The following IL1R1 variants were observed in gnomAD, a reference collection of about 807,000 sequenced individuals.
The protein encoded by IL1R1 is interleukin 1 receptor type 1.
A neutral mutation model predicts 50.2 loss-of-function variants in IL1R1; 22 were observed. The ratio of observed to expected loss-of-function variants is 0.44; its 90% CI spans 0.31 to 0.63. The LOEUF (loss-of-function observed/expected upper bound fraction) is 0.63, where lower values mean the gene tolerates loss of function less well. Among genes scored for constraint, IL1R1 ranks in the 20% least tolerant of loss-of-function variants. IL1R1 has a pLI of 0.07. For synonymous variants in IL1R1, 251 were observed against 236.7 expected, an observed-to-expected ratio of 1.06 and a Z score of -0.55; for missense variants, 509 against 676.2, an observed-to-expected ratio of 0.75 and a Z score of 2.74.
intron 1 of IL1R1, among the ~76,000 whole-genome samples, chr2:102,070,729 T>C (rs1678678506): frequency 6.6e-6 from 1 of 152,136 alleles, no homozygotes; most frequent in African/African-American, 2.4e-5. Flanking sequence ...CCCTTTACTC[T>C]GAGGACATTG....
chr2:102,152,566 C>T (rs1683778673), intron 1 of IL1R1, among the ~76,000 whole-genome samples: 1 of 135,800 alleles, frequency 7.4e-6, no homozygotes. Flanking sequence ...GTCACCTTCT[C>T]TGCAAGAAGC....
chr2:102,139,211 T>A (rs1268601274), upstream of IL1R1, among the ~76,000 whole-genome samples: 1 of 152,200 alleles, frequency 6.6e-6, no homozygotes, highest in African/African-American at 2.4e-5. Context: ...TCAGACTAGG[T>A]CCAAGGGCTC....
At chr2:102,139,069 G>A (rs186080950), upstream of IL1R1, among the ~76,000 whole-genome samples, 8 of 152,272 alleles carry the variant, frequency 5.3e-5, no homozygotes, top group African/African-American at 1.4e-4. Flanking sequence ...AAGGATCAAT[G>A]GAGTTCTTTG....
chr2:102,122,639 A>C (rs1052767889), intron 1 of IL1R1, among the ~76,000 whole-genome samples: 24 of 152,230 alleles, frequency 1.6e-4, no homozygotes, highest in African/African-American at 5.8e-4. Flanking sequence ...GTGAAACCCA[A>C]GAGCAAGGAC....
At chr2:102,087,236 T>C (rs1431423769) in intron 1 of IL1R1, among the ~76,000 whole-genome samples, 1 of 152,220 alleles carries the variant, frequency 6.6e-6, no homozygotes, top group Admixed American at 6.5e-5. Context: ...CTACCCTTGA[T>C]GTTGATGGCT....
chr2:102,092,242 C>A (rs1362338937), intron 1 of IL1R1, among the ~76,000 whole-genome samples: 1 of 152,010 alleles, frequency 6.6e-6, no homozygotes, highest in Non-Finnish European at 1.5e-5. Context: ...AGCTTGCAGC[C>A]AAAATTGGTA....
intron 1 of IL1R1, among the ~76,000 whole-genome samples, chr2:102,132,206 G>A (rs1325774857): frequency 6.6e-6 from 1 of 151,260 alleles, no homozygotes; most frequent in Admixed American, 6.6e-5. Context: ...CAGACAGAAG[G>A]AAAAGGATAC....
chr2:102,154,576 G>A (rs1683994965), intron 2 of IL1R1, among the ~76,000 whole-genome samples: 1 of 151,996 alleles, frequency 6.6e-6, no homozygotes, highest in Admixed American at 6.6e-5. Context: ...GGCCCCAAGT[G>A]TTCTCAAATA....
intron 1 of IL1R1, among the ~76,000 whole-genome samples, chr2:102,108,429 G>C (rs1680548310): frequency 6.6e-6 from 1 of 152,060 alleles, no homozygotes. Context: ...TCATCCATGG[G>C]CTTTGCTCAG....
In IL1R1 at chr2:102,177,033, A is replaced by C. The variant is rs1686202457; in HGVS notation, c.*274A>C. 1 of 357,828 alleles carries C rather than the reference A, an allele frequency of 2.8e-6. No individual in the cohort carries two copies. Among genetic ancestry groups the C allele is most frequent in the Non-Finnish European group, 5.2e-6 (1 of 194,102 alleles). The allele number at this position is 357,828 out of a possible 1,614,324, so 22.2% of individuals were successfully genotyped here. On this transcript the variant is annotated 3_prime_UTR_variant, in exon 12 of 12. Transcript: ENST00000410023. ...ATAATCCCAGCACTTTGGGAGGCTG[A>C]AGTGGGTGGATCACCAGAGGTCAGG...
chr2:102,130,632 GT>G (rs1032972405), intron 1 of IL1R1, among the ~76,000 whole-genome samples: 11 of 138,744 alleles, frequency 7.9e-5, no homozygotes, highest in African/African-American at 2.9e-4. Flanking sequence ...CAAAGTCTTG[GT>G]TTTGACTAAA....
At chr2:102,163,946 T>C (rs1684946906) in intron 3 of IL1R1, among the ~76,000 whole-genome samples, 1 of 152,216 alleles carries the variant, frequency 6.6e-6, no homozygotes, top group African/African-American at 2.4e-5. Flanking sequence ...GGCCTAATTT[T>C]CCCTAATGAC....
intron 1 of IL1R1, among the ~76,000 whole-genome samples, chr2:102,105,646 G>A (rs1219253777): frequency 6.6e-6 from 1 of 152,202 alleles, no homozygotes; most frequent in African/African-American, 2.4e-5. Context: ...TTACAGGCAT[G>A]AGCCACCACG....
At chr2:102,175,429 T>A in intron 10 of IL1R1, 49 bp from the exon 11 acceptor site, 2 of 1,401,976 alleles carry the variant, frequency 1.4e-6, no homozygotes, top group Non-Finnish European at 2.0e-6. Flanking sequence ...CTTTATCAAA[T>A]CTCTTATTTT....
Position 102,172,698 on chromosome 2 carries a change from C to T in IL1R1, c.851C>T (p.Pro284Leu). The change falls in exon 9 of 12, where the codon CCT becomes CTT. Residue 284 changes from proline to leucine, a missense_variant. By Grantham distance (98) the Pro-to-Leu change is moderately conservative (BLOSUM62 -3). Coordinates refer to ENST00000410023, the MANE Select transcript of IL1R1 (RefSeq NM_000877.4). Reference sequence around the variant, plus strand: ...TCTCTCTCGAATAGTGTGGAAAATCCTGCAAACAAAAGAAGGAGTACCCTC... The same window carrying T: ...TCTCTCTCGAATAGTGTGGAAAATCTTGCAAACAAAAGAAGGAGTACCCTC... ...LGEDYYSVEN[P>L]ANKRRSTLIT... is the part of the protein sequence containing the mutation. The T allele has an allele frequency of 6.2e-7, 1 of 1,602,014 alleles. No individual in the cohort carries two copies. Among genetic ancestry groups the T allele is most frequent in the Non-Finnish European group, 8.5e-7 (1 of 1,175,248 alleles).
At position 102,176,710 on chromosome 2, in the gene IL1R1, C is replaced by T; in HGVS notation, c.1661C>T (p.Pro554Leu). 10 of 1,614,176 alleles carry T rather than the reference C, an allele frequency of 6.2e-6. No individual in the cohort carries two copies. Among genetic ancestry groups the T allele is most frequent in the Non-Finnish European group, 8.5e-6 (10 of 1,180,026 alleles). The change falls in exon 12 of 12, where the codon CCA (proline) becomes CTA (leucine). Residue 554 changes from proline to leucine, a missense_variant. Pro to Leu is a moderately conservative substitution (Grantham distance 98). Coordinates refer to ENST00000410023, the MANE Select transcript of IL1R1 (RefSeq NM_000877.4). ...TCATCTAAACACCAGTTACTGTCAC[C>T]AGCCACTAAGGAGAAACTGCAAAGA... is the stretch of plus-strand genomic sequence containing the variant. ...SPSSKHQLLS[P>L]ATKEKLQREA...
At chr2:102,104,212 G>A (rs1226227473), upstream of IL1R1, among the ~76,000 whole-genome samples, 1 of 152,102 alleles carries the variant, frequency 6.6e-6, no homozygotes, top group Non-Finnish European at 1.5e-5. Context: ...CAGCATCTGG[G>A]ACACGAGCAG....
chr2:102,148,958 A>T lies in IL1R1; in HGVS notation c.-83-4983A>T, dbSNP rs1186595884. Among the ~76,000 whole-genome samples the T allele has an allele frequency of 1.8e-4, 10 of 57,102 alleles. No homozygotes were observed. The South Asian group carries it at 5.8e-3, about 33-fold the overall frequency. The allele number at this position is 57,102 out of a possible 152,430, so 37.5% of individuals were successfully genotyped here. On this transcript the variant is annotated intron_variant, in intron 1 of 11. Transcript: ENST00000410023. ...AGACTCTGTCTCAAAACAAACAAAC[A>T]AACAAACAAACAAACAAACAAACGG...
chr2:102,073,289 T>C (rs1235280734), intron 1 of IL1R1, among the ~76,000 whole-genome samples: 1 of 152,128 alleles, frequency 6.6e-6, no homozygotes, highest in East Asian at 1.9e-4. Context: ...TCATGTAGCC[T>C]AAATTCTACT....
Sources: allele counts gnomAD v4.1 joint callset (sites outside exome capture counted in the v4.1 genomes callset), GRCh38; gene constraint gnomAD v4.1.1; transcripts MANE v1.5; gene names NCBI Gene and HGNC (gene_info 2026-07-23, HGNC 2026-07-21).